The following UST variants were observed in gnomAD, a reference collection of about 807,000 sequenced individuals.
UST encodes uronyl 2-sulfotransferase.
A neutral mutation model predicts 45.6 loss-of-function variants in UST; 21 were observed. The observed-to-expected ratio is 0.46, with a 90% confidence interval of 0.33 to 0.66. The LOEUF (loss-of-function observed/expected upper bound fraction) is 0.66. UST is among the 30% of genes least tolerant of loss of function. UST has a pLI of 0.02. For synonymous variants in UST, 215 were observed against 200.6 expected (o/e 1.07, Z -0.61); for missense variants, 463 against 512.4 (o/e 0.90, Z 0.93).
At chr6:148,900,909 T>C (rs1177333092) in intron 2 of UST, among the ~76,000 whole-genome samples, 2 of 152,190 alleles carry the variant, frequency 1.3e-5, no homozygotes, top group Non-Finnish European at 2.9e-5. Context: ...ATTTCTTGAC[T>C]TATGTCTCCT....
chr6:148,851,152 C>T (rs1001176655), intron 1 of UST, among the ~76,000 whole-genome samples: 1 of 152,150 alleles, frequency 6.6e-6, no homozygotes, highest in Non-Finnish European at 1.5e-5. Context: ...CGCTCCTGCT[C>T]CTGGACATTT....
intron 2 of UST, among the ~76,000 whole-genome samples, chr6:148,897,175 A>T (rs9766086): frequency 1.6e-4 from 24 of 151,902 alleles, no homozygotes; most frequent in Admixed American, 9.2e-4. Flanking sequence ...AAATTTTTTT[A>T]AAATTTTTTT....
intron 2 of UST, among the ~76,000 whole-genome samples, chr6:148,939,865 T>C (rs985317281): frequency 2.0e-5 from 3 of 152,098 alleles, no homozygotes; most frequent in African/African-American, 7.2e-5. Flanking sequence ...TTTAGATAAA[T>C]TGGACTCAGT....
At chr6:148,969,731 C>T (rs1436748714) in intron 5 of UST, among the ~76,000 whole-genome samples, 1 of 152,176 alleles carries the variant, frequency 6.6e-6, no homozygotes, top group African/African-American at 2.4e-5. Flanking sequence ...TCCTGGGGCT[C>T]AGGACATACT....
chr6:148,984,893 A>G (rs936348298), intron 5 of UST, among the ~76,000 whole-genome samples: 2 of 152,224 alleles, frequency 1.3e-5, no homozygotes, highest in Non-Finnish European at 2.9e-5. Context: ...TAGGATTGTC[A>G]TGGTACATGA....
intron 1 of UST, among the ~76,000 whole-genome samples, chr6:148,779,471 C>A (rs1776596903): frequency 6.6e-6 from 1 of 152,164 alleles, no homozygotes; most frequent in Admixed American, 6.5e-5. Context: ...GCATTGACAC[C>A]CATGAACTTG....
Position 148,993,983 on chromosome 6 carries a change from T to C in UST, c.682-25156T>C, listed in dbSNP as rs1361719502. Among the ~76,000 whole-genome samples, 4 of 74,512 alleles carry C rather than the reference T, an allele frequency of 5.4e-5. No individual in the cohort carries two copies. In the East Asian group the frequency reaches 1.0e-3, roughly 19 times the overall value. 48.9% of individuals were successfully genotyped at this position (74,512 alleles called of 152,430 possible). ...TTTTTTTTTTTTTTTTTTTTTTTTT[T>C]TGTTGAGACAGAATCTCACTCTGTC... On this transcript the variant is annotated intron_variant, in intron 5 of 7. Transcript: ENST00000367463.
chr6:148,785,382 T>C (rs1227991821), intron 1 of UST, among the ~76,000 whole-genome samples: 1 of 152,198 alleles, frequency 6.6e-6, no homozygotes, highest in East Asian at 1.9e-4. Context: ...CATAATATCT[T>C]TGAGACTACT....
At chr6:148,758,228 G>A (rs561904394) in intron 1 of UST, among the ~76,000 whole-genome samples, 128 of 152,214 alleles carry the variant, frequency 8.4e-4, no homozygotes, top group African/African-American at 3.0e-3. Context: ...CTAGTATTTG[G>A]CAAGGGCTCT....
At chr6:148,804,545 C>T (rs1053242150) in intron 1 of UST, among the ~76,000 whole-genome samples, 2 of 152,138 alleles carry the variant, frequency 1.3e-5, no homozygotes, top group Non-Finnish European at 1.5e-5. Flanking sequence ...GCACCATGTA[C>T]GTGCCATCCT....
intron 5 of UST, among the ~76,000 whole-genome samples, chr6:148,998,489 G>C (rs1258506309): frequency 6.6e-6 from 1 of 152,156 alleles, no homozygotes; most frequent in African/African-American, 2.4e-5. Context: ...ATTACATGCA[G>C]AGCACAAAAA....
chr6:148,979,477 C>G (rs1368871698), intron 5 of UST, among the ~76,000 whole-genome samples: 1 of 152,218 alleles, frequency 6.6e-6, no homozygotes, highest in Non-Finnish European at 1.5e-5. Context: ...CCACATCTCC[C>G]TGACTTCTGT....
At chr6:148,911,586 A>G (rs1193964625) in intron 2 of UST, among the ~76,000 whole-genome samples, 1 of 152,134 alleles carries the variant, frequency 6.6e-6, no homozygotes, top group African/African-American at 2.4e-5. Context: ...AGAATTCCAC[A>G]TCACTCTCCT....
chr6:148,825,570 A>G (rs942804716), intron 1 of UST, among the ~76,000 whole-genome samples: 1 of 152,222 alleles, frequency 6.6e-6, no homozygotes, highest in Non-Finnish European at 1.5e-5. Flanking sequence ...GGAGTTCACA[A>G]GCTATCTGAA....
At chr6:148,787,313 T>C (rs1400129082) in intron 1 of UST, among the ~76,000 whole-genome samples, 1 of 152,236 alleles carries the variant, frequency 6.6e-6, no homozygotes. Flanking sequence ...AGGTTTTTTA[T>C]AGTTTTGGGT....
At chr6:149,069,933 T>G (rs1206414818) in intron 7 of UST, among the ~76,000 whole-genome samples, 1 of 152,246 alleles carries the variant, frequency 6.6e-6, no homozygotes, top group Non-Finnish European at 1.5e-5. Flanking sequence ...TGCTGTCCAT[T>G]GTTTTTAGGA....
intron 1 of UST, among the ~76,000 whole-genome samples, chr6:148,826,294 G>A (rs1436830916): frequency 6.6e-6 from 1 of 152,142 alleles, no homozygotes. Flanking sequence ...TGTACTTTTA[G>A]TAGAGATGGG....
intron 2 of UST, among the ~76,000 whole-genome samples, chr6:148,899,149 G>C (rs1002445766): frequency 1.4e-5 from 2 of 142,334 alleles, no homozygotes; most frequent in African/African-American, 5.3e-5. Flanking sequence ...GCCCAGGCTG[G>C]AGTGCAGTGG....
chr6:148,884,903 T>C (rs148785755), intron 1 of UST, among the ~76,000 whole-genome samples: 140 of 152,314 alleles, frequency 9.2e-4, no homozygotes, highest in African/African-American at 3.3e-3. Context: ...AGAATGACTC[T>C]TGGGCTTTGG....
Sources: allele counts gnomAD v4.1 joint callset (sites outside exome capture counted in the v4.1 genomes callset), GRCh38; gene constraint gnomAD v4.1.1; transcripts MANE v1.5; gene names NCBI Gene and HGNC (gene_info 2026-07-23, HGNC 2026-07-21).